SLC2A9: variants seen among roughly 807,000 people sequenced by gnomAD.
The protein encoded by SLC2A9 is solute carrier family 2, facilitated glucose transporter member 9.
Under a neutral mutation model 50.6 loss-of-function variants are expected in SLC2A9, and 39 were observed. That is an observed-to-expected ratio of 0.77 (90% confidence interval 0.60 to 1.01). The LOEUF is 1.01. Among genes scored for constraint, SLC2A9 ranks in the 50% least tolerant of loss-of-function variants. SLC2A9 has a pLI of 0.00. For synonymous variants in SLC2A9, 324 were observed against 276.9 expected (o/e 1.17, Z -1.69); for missense variants, 686 against 677.6 (o/e 1.01, Z -0.14).
chr4:9,787,039 C>T (rs1054844739), intron 3 of SLC2A9, among the ~76,000 whole-genome samples: 3 of 152,212 alleles, frequency 2.0e-5, no homozygotes, highest in Non-Finnish European at 4.4e-5. Context: ...GGCTCCAGTG[C>T]CCTGAGTTTG....
At chr4:10,016,641 C>A (rs1210098339) in intron 2 of SLC2A9, among the ~76,000 whole-genome samples, 2 of 152,068 alleles carry the variant, frequency 1.3e-5, no homozygotes, top group Non-Finnish European at 2.9e-5. Context: ...CCATTAAATA[C>A]CTCTAAGCTC....
chr4:9,999,490 T>C (rs115863139), intron 2 of SLC2A9, among the ~76,000 whole-genome samples: 4 of 151,942 alleles, frequency 2.6e-5, no homozygotes, highest in African/African-American at 9.7e-5. Context: ...AAAAGAAAAA[T>C]GGTAGGAAAG....
At chr4:9,934,128 A>G (rs1577963194) in intron 6 of SLC2A9, among the ~76,000 whole-genome samples, 1 of 152,186 alleles carries the variant, frequency 6.6e-6, no homozygotes, top group Non-Finnish European at 1.5e-5. Context: ...GACATCTTTC[A>G]GGGTGGGGTG....
At chr4:10,015,226 C>A (rs936660176) in intron 2 of SLC2A9, among the ~76,000 whole-genome samples, 1 of 152,160 alleles carries the variant, frequency 6.6e-6, no homozygotes, top group African/African-American at 2.4e-5. Context: ...CCCATCTCCC[C>A]TTGTTCCTCT....
At chr4:9,799,699 C>G (rs1265554669) in intron 3 of SLC2A9, among the ~76,000 whole-genome samples, 1 of 76,670 alleles carries the variant, frequency 1.3e-5, no homozygotes, top group Non-Finnish European at 3.2e-5. Flanking sequence ...TGTACCCCCC[C>G]CCCACCCAAC....
At chr4:9,967,963 C>T (rs1260844731) in intron 5 of SLC2A9, among the ~76,000 whole-genome samples, 5 of 152,008 alleles carry the variant, frequency 3.3e-5, no homozygotes, top group South Asian at 4.1e-4. Flanking sequence ...ATTTATAAGC[C>T]TTTCTAAGGT....
At chr4:9,861,969 T>C (rs1731731409) in intron 10 of SLC2A9, among the ~76,000 whole-genome samples, 1 of 152,236 alleles carries the variant, frequency 6.6e-6, no homozygotes, top group Non-Finnish European at 1.5e-5. Flanking sequence ...AGATCTTCTA[T>C]CCTCCGGCCC....
At chr4:9,982,277 G>A (rs752948723) in intron 4 of SLC2A9, among the ~76,000 whole-genome samples, 4 of 152,124 alleles carry the variant, frequency 2.6e-5, no homozygotes, top group Non-Finnish European at 4.4e-5. Flanking sequence ...AAGTGCCCTC[G>A]AGTTCTTCTC....
chr4:9,916,710 G>A (rs1742905653), intron 7 of SLC2A9, among the ~76,000 whole-genome samples: 1 of 152,176 alleles, frequency 6.6e-6, no homozygotes, highest in Non-Finnish European at 1.5e-5. Flanking sequence ...GAATCCCAAG[G>A]AAGGAAGGGT....
rs145539989 is a variant in SLC2A9, at chr4:9,985,748, T to C, written c.456A>G (p.Ala152=). 1.2e-6 allele frequency: 2 copies of C among 1,614,002 alleles called. No homozygotes were observed. Among genetic ancestry groups the C allele is most frequent in the Non-Finnish European group, 1.7e-6 (2 of 1,179,880 alleles). The change falls in exon 4 of 12, where the codon GCA becomes GCG. Residue 152 remains alanine (A), a synonymous_variant. Transcript: ENST00000264784. ...LANNGFAISA[A]LLMACSLQAG... ...CCTGGAGCGAGCAGGCCATCAGCAATGCAGCAGAAATTGCAAACCCATTAT... is the reference window on the plus strand; with the variant it reads ...CCTGGAGCGAGCAGGCCATCAGCAACGCAGCAGAAATTGCAAACCCATTAT...
At chr4:9,996,399 C>A (rs1758671894) in intron 3 of SLC2A9, among the ~76,000 whole-genome samples, 1 of 152,210 alleles carries the variant, frequency 6.6e-6, no homozygotes. Flanking sequence ...GCCCCGGGAG[C>A]ATCTCCTGGA....
chr4:9,985,601 C>G, intron 4 of SLC2A9, 68 bp downstream of exon 4: 6 of 1,601,972 alleles, frequency 3.7e-6, no homozygotes, highest in Non-Finnish European at 5.1e-6. Flanking sequence ...GCCCCAAACA[C>G]TTCTCACATT....
At chr4:9,837,279 T>C (rs1039619570) in intron 10 of SLC2A9, among the ~76,000 whole-genome samples, 2 of 152,240 alleles carry the variant, frequency 1.3e-5, no homozygotes, top group Non-Finnish European at 2.9e-5. Context: ...AAGGTATCTA[T>C]TGAACTGTGT....
At chr4:9,853,002 C>T (rs767973100) in intron 10 of SLC2A9, among the ~76,000 whole-genome samples, 4 of 152,038 alleles carry the variant, frequency 2.6e-5, no homozygotes, top group African/African-American at 4.8e-5. Context: ...CATGGTGATA[C>T]CCCATTTCTA....
At chr4:9,808,172 C>T (rs1722376589) in intron 3 of SLC2A9, among the ~76,000 whole-genome samples, 1 of 152,172 alleles carries the variant, frequency 6.6e-6, no homozygotes, top group South Asian at 2.1e-4. Flanking sequence ...GACTTGTGCT[C>T]ATTCTTTTTC....
At chr4:9,984,196 T>C (rs554740784) in intron 4 of SLC2A9, among the ~76,000 whole-genome samples, 23 of 152,254 alleles carry the variant, frequency 1.5e-4, no homozygotes, top group African/African-American at 5.3e-4. Flanking sequence ...CCTAGATTAT[T>C]CCCCTCCAGC....
intron 5 of SLC2A9, among the ~76,000 whole-genome samples, chr4:9,954,953 G>A (rs1419139109): frequency 1.3e-5 from 2 of 152,194 alleles, no homozygotes; most frequent in Non-Finnish European, 2.9e-5. Context: ...CAGGAGTTGG[G>A]CGAGTGGGCT....
chr4:9,923,726 C>A (rs1208015236), intron 6 of SLC2A9: 1 of 152,228 alleles, frequency 6.6e-6, no homozygotes, highest in African/African-American at 2.4e-5. Context: ...GAGAGAGCTG[C>A]TGAGTAAAAC....
chr4:9,840,668 T>C (rs187708646), intron 10 of SLC2A9, among the ~76,000 whole-genome samples: 6 of 152,328 alleles, frequency 3.9e-5, no homozygotes, highest in Admixed American at 2.0e-4. Flanking sequence ...GTCTTTTAGG[T>C]GTTTGCCTTT....
Sources: allele counts gnomAD v4.1 joint callset (sites outside exome capture counted in the v4.1 genomes callset), GRCh38; gene constraint gnomAD v4.1.1; transcripts MANE v1.5; gene names NCBI Gene and HGNC (gene_info 2026-07-23, HGNC 2026-07-21).